The following ZBBX variants were observed in gnomAD, a reference collection of about 807,000 sequenced individuals.
ZBBX encodes the protein zinc finger B-box domain-containing protein 1.
Under a neutral mutation model 108.5 loss-of-function variants are expected in ZBBX, and 101 were observed. The ratio of observed to expected loss-of-function variants is 0.93; its 90% CI spans 0.79 to 1.10. ZBBX has a LOEUF of 1.10. Among genes scored for constraint, ZBBX ranks in the 50% least tolerant of loss-of-function variants. The pLI is 0.00. For synonymous variants in ZBBX, 356 were observed against 323.4 expected (o/e 1.10, Z -1.08); for missense variants, 1,009 against 941.4 (o/e 1.07, Z -0.94).
At chr3:167,361,205 C>T (rs1424409845) in intron 6 of ZBBX, among the ~76,000 whole-genome samples, 1 of 152,030 alleles carries the variant, frequency 6.6e-6, no homozygotes, top group Non-Finnish European at 1.5e-5. Context: ...GTAAGCATCA[C>T]AGACTTATCC....
chr3:167,307,040 C>T (rs1330992682), intron 16 of ZBBX, among the ~76,000 whole-genome samples: 1 of 152,094 alleles, frequency 6.6e-6, no homozygotes. Flanking sequence ...TAAGACACAC[C>T]CACACAGGTG....
At chr3:167,344,147 T>C (rs1741035077) in intron 9 of ZBBX, among the ~76,000 whole-genome samples, 2 of 151,860 alleles carry the variant, frequency 1.3e-5, no homozygotes, top group Non-Finnish European at 2.9e-5. Flanking sequence ...ATTCTATTTA[T>C]ATGAAATGTC....
At chr3:167,282,091 G>T in intron 20 of ZBBX, 147 bp downstream of exon 20, 1 of 889,494 alleles carries the variant, frequency 1.1e-6, no homozygotes, top group South Asian at 2.2e-5. Context: ...GGATTTCCAG[G>T]AAAACAGACA....
chr3:167,189,029 T>C, the ZBBX span, among the ~76,000 whole-genome samples: 11 of 152,194 alleles, frequency 7.2e-5, no homozygotes, highest in African/African-American at 2.7e-4. Flanking sequence ...GAGAGATGTA[T>C]AGACATGGGA....
chr3:167,248,469 A>C, intron 20 of ZBBX: 1 of 260,334 alleles, frequency 3.8e-6, no homozygotes, highest in Non-Finnish European at 8.0e-6. Context: ...TCCTCTTCTA[A>C]GTGAGAGGCG....
At chr3:167,323,963 C>G (rs1736920258) in intron 11 of ZBBX, among the ~76,000 whole-genome samples, 1 of 151,914 alleles carries the variant, frequency 6.6e-6, no homozygotes, top group African/African-American at 2.4e-5. Context: ...AGTTAAAAAT[C>G]AATAACAGAA....
chr3:167,283,438 C>T (rs2108532415), intron 19 of ZBBX, among the ~76,000 whole-genome samples: 1 of 152,192 alleles, frequency 6.6e-6, no homozygotes, highest in African/African-American at 2.4e-5. Context: ...TATAAGATAA[C>T]TTTGCACTCC....
At chr3:167,359,830 A>C in intron 8 of ZBBX, 40 bp downstream of exon 8, 2 of 998,018 alleles carry the variant, frequency 2.0e-6, no homozygotes, top group Non-Finnish European at 2.8e-6. Flanking sequence ...TAATATACCT[A>C]CTATACAGTA....
intron 7 of ZBBX, 107 bp downstream of exon 7, chr3:167,360,568 A>G (rs1243169907): frequency 1.6e-6 from 1 of 617,198 alleles, no homozygotes; most frequent in Non-Finnish European, 2.4e-6. Flanking sequence ...GGGGTTTAGA[A>G]TCTTTATACT....
At position 167,315,844 on chromosome 3, in the gene ZBBX, G is replaced by A. The variant is rs371329388; in HGVS notation, c.1195-15C>T. 2.8e-4 allele frequency: 419 copies of A among 1,486,080 alleles called. No homozygotes were observed. Among genetic ancestry groups the A allele is most frequent in the Middle Eastern group, 4.6e-4 (2 of 4,326 alleles). 92.1% of individuals were successfully genotyped at this position (1,486,080 alleles called of 1,614,324 possible). A position where few individuals can be genotyped will look rare whatever the true frequency, so the allele number is the denominator to read the frequency against. ...TCTTCATAAGTCTTATTAAATTAAT[G>A]TTATATAATATTAGTAAGTTCATAA... On this transcript the variant is annotated splice_polypyrimidine_tract_variant and intron_variant, in intron 14 of 21. Transcript: ENST00000675490.
At chr3:167,217,750 G>T in the ZBBX span, among the ~76,000 whole-genome samples, 1 of 152,012 alleles carries the variant, frequency 6.6e-6, no homozygotes, top group Non-Finnish European at 1.5e-5. Context: ...TAAAAAATGT[G>T]GTACATATAC....
Position 167,240,713 on chromosome 3 carries a change from T to C in ZBBX, c.*80A>G. On this transcript the variant is annotated 3_prime_UTR_variant, in exon 22 of 22. Coordinates refer to ENST00000675490, the MANE Select transcript of ZBBX (RefSeq NM_001199201.2). Reference sequence around the variant, plus strand: ...GTAATCAAAATCTCCAGCACTTGGATAGGTAATCACTTGGTTACTTTTCTC... The same window carrying C: ...GTAATCAAAATCTCCAGCACTTGGACAGGTAATCACTTGGTTACTTTTCTC... The C allele has an allele frequency of 2.0e-6, 3 of 1,494,184 alleles. No homozygotes were observed. Among genetic ancestry groups the C allele is most frequent in the Non-Finnish European group, 2.7e-6 (3 of 1,105,180 alleles). 92.6% of individuals were successfully genotyped at this position (1,494,184 alleles called of 1,614,324 possible).
chr3:167,264,565 ACTGT>A (rs747892561), intron 20 of ZBBX, among the ~76,000 whole-genome samples: 34 of 152,262 alleles, frequency 2.2e-4, no homozygotes, highest in Non-Finnish European at 3.8e-4. Flanking sequence ...GTCTTACTGT[ACTGT>A]CTGTGTCTTG....
rs137861445 is a variant in ZBBX, at chr3:167,376,160, A to G, written c.-131-2373T>C. Among the ~76,000 whole-genome samples, 557 of 152,338 alleles carry G rather than the reference A, an allele frequency of 3.7e-3. 1 individual carries two copies. Among genetic ancestry groups the G allele is most frequent in the African/African-American group, 0.013 (532 of 41,576 alleles). On this transcript the variant is annotated intron_variant, in intron 2 of 21. Coordinates refer to ENST00000675490, the MANE Select transcript of ZBBX (RefSeq NM_001199201.2). ...TTAAGTGTCAACAAGAAATAAAGAT[A>G]CCATAGGAATGGCAAACTAAGATTT...
chr3:167,298,394 A>G lies in ZBBX; in HGVS notation c.1790T>C (p.Phe597Ser), dbSNP rs777648280. Residue 597 changes from phenylalanine (F) to serine (S), a missense_variant, in exon 18 of 22, where the codon TTC (phenylalanine) becomes TCC (serine). Phe to Ser is a radical substitution (Grantham distance 155). Transcript: ENST00000675490. Reference sequence around the variant, plus strand: ...TCTTTCATTTGTATCAAAAATAAAGAATCTCTCAAGTCCTTGATATTGTTT... The same window carrying G: ...TCTTTCATTTGTATCAAAAATAAAGGATCTCTCAAGTCCTTGATATTGTTT... Reference protein sequence around the residue: ...ITKQYQGLERFFIFDTNERLN... With the variant: ...ITKQYQGLERSFIFDTNERLN... 4 of 1,597,656 alleles carry G rather than the reference A, an allele frequency of 2.5e-6. No individual in the cohort carries two copies. The South Asian group carries it at 3.4e-5, about 14-fold the overall frequency.
chr3:167,238,871 G>T (rs186626554), downstream of ZBBX, among the ~76,000 whole-genome samples: 34 of 152,116 alleles, frequency 2.2e-4, no homozygotes, highest in East Asian at 6.6e-3. Context: ...ACTTCCCTTT[G>T]TCTTCTTTCT....
intron 6 of ZBBX, among the ~76,000 whole-genome samples, chr3:167,361,642 C>T (rs78787516): frequency 1.7e-3 from 259 of 152,124 alleles, no homozygotes; most frequent in Non-Finnish European, 2.5e-3. Context: ...TCACATTCTT[C>T]AAAGTAACTG....
chr3:167,347,575 G>T (rs1362854832), intron 9 of ZBBX, among the ~76,000 whole-genome samples: 1 of 151,822 alleles, frequency 6.6e-6, no homozygotes, highest in East Asian at 1.9e-4. Flanking sequence ...TGAATAAAGG[G>T]ACAAATTCGC....
At chr3:167,346,102 T>C (rs934931320) in intron 9 of ZBBX, among the ~76,000 whole-genome samples, 1 of 151,844 alleles carries the variant, frequency 6.6e-6, no homozygotes, top group Non-Finnish European at 1.5e-5. Flanking sequence ...TAAAAGGAAA[T>C]AGGAATGCCT....
Sources: allele counts gnomAD v4.1 joint callset (sites outside exome capture counted in the v4.1 genomes callset), GRCh38; gene constraint gnomAD v4.1.1; transcripts MANE v1.5; gene names NCBI Gene and HGNC (gene_info 2026-07-23, HGNC 2026-07-21).